ERBB4: variants seen among roughly 807,000 people sequenced by gnomAD.
ERBB4 encodes the protein erb-b2 receptor tyrosine kinase 4.
ERBB4 carries 42 observed loss-of-function variants against 158.0 expected under a neutral mutation model. The observed-to-expected ratio is 0.27, with a 90% CI of 0.21 to 0.34. The LOEUF is 0.34. Ranked by LOEUF, ERBB4 falls within the 10% of genes least tolerant of loss-of-function variation. ERBB4 has a pLI of 1.00. For synonymous variants in ERBB4, 583 were observed against 558.7 expected (o/e 1.04, Z -0.61); for missense variants, 1,333 against 1,624.1 (o/e 0.82, Z 3.08).
intron 27 of ERBB4, among the ~76,000 whole-genome samples, chr2:211,385,275 C>CT (rs1326916234): frequency 6.6e-6 from 1 of 152,086 alleles, no homozygotes; most frequent in Non-Finnish European, 1.5e-5. Flanking sequence ...TTACAAGACA[C>CT]TATCATTTCA....
At chr2:212,276,904 T>A (rs1275294930) in intron 1 of ERBB4, among the ~76,000 whole-genome samples, 2 of 151,762 alleles carry the variant, frequency 1.3e-5, no homozygotes, top group Non-Finnish European at 2.9e-5. Context: ...TCTAATGACA[T>A]AGTGTTTAGT....
chr2:212,322,332 A>G (rs866944726), intron 1 of ERBB4, among the ~76,000 whole-genome samples: 3 of 150,214 alleles, frequency 2.0e-5, no homozygotes, highest in Non-Finnish European at 4.5e-5. Flanking sequence ...GCTGCTGTGA[A>G]GATTGCCTAT....
intron 1 of ERBB4, among the ~76,000 whole-genome samples, chr2:212,245,548 GC>G (rs1559835014): frequency 6.6e-6 from 1 of 152,088 alleles, no homozygotes; most frequent in Non-Finnish European, 1.5e-5. Flanking sequence ...AAATCTTCTT[GC>G]CAACACTGGG....
chr2:212,128,395 C>T (rs2080007766), intron 1 of ERBB4, among the ~76,000 whole-genome samples: 1 of 152,142 alleles, frequency 6.6e-6, no homozygotes, highest in African/African-American at 2.4e-5. Flanking sequence ...TGAAGCCTGA[C>T]TTTGCCTGGT....
At chr2:212,278,037 G>GA (rs2085611629) in intron 1 of ERBB4, among the ~76,000 whole-genome samples, 1 of 151,662 alleles carries the variant, frequency 6.6e-6, no homozygotes, top group South Asian at 2.1e-4. Flanking sequence ...ATTGTTGATT[G>GA]AAAAAATGTC....
intron 1 of ERBB4, among the ~76,000 whole-genome samples, chr2:212,341,315 T>C (rs2088700323): frequency 6.6e-6 from 1 of 152,082 alleles, no homozygotes; most frequent in South Asian, 2.1e-4. Flanking sequence ...ATGATTTTCA[T>C]AGAAATCTAG....
intron 20 of ERBB4, among the ~76,000 whole-genome samples, chr2:211,431,656 A>C (rs929650829): frequency 3.1e-4 from 47 of 152,172 alleles, no homozygotes; most frequent in Admixed American, 7.2e-4. Flanking sequence ...AGAATGAAGT[A>C]TATACCCTAG....
At chr2:211,907,020 C>A (rs1192369057) in intron 3 of ERBB4, among the ~76,000 whole-genome samples, 1 of 151,524 alleles carries the variant, frequency 6.6e-6, no homozygotes, top group Admixed American at 6.6e-5. Flanking sequence ...TTCTTCTGAC[C>A]TTTTTTCCAT....
At chr2:212,012,468 G>A in intron 2 of ERBB4, among the ~76,000 whole-genome samples, 1 of 148,764 alleles carries the variant, frequency 6.7e-6, no homozygotes, top group Non-Finnish European at 1.5e-5. Flanking sequence ...CCAGGCTGGA[G>A]TGCGGTGGCG....
At chr2:212,065,055 T>G (rs1245265343) in intron 2 of ERBB4, among the ~76,000 whole-genome samples, 2 of 150,576 alleles carry the variant, frequency 1.3e-5, no homozygotes, top group Non-Finnish European at 3.0e-5. Flanking sequence ...TTTTCTGACT[T>G]TCATTGACAT....
At chr2:212,033,573 CTG>C (rs1298672548) in intron 2 of ERBB4, among the ~76,000 whole-genome samples, 5 of 151,730 alleles carry the variant, frequency 3.3e-5, no homozygotes, top group Non-Finnish European at 5.9e-5. Context: ...TATAAAGTAA[CTG>C]TATTTTTAAA....
At chr2:212,279,789 C>T (rs778827628) in intron 1 of ERBB4, among the ~76,000 whole-genome samples, 9 of 151,340 alleles carry the variant, frequency 5.9e-5, no homozygotes, top group South Asian at 2.1e-4. Flanking sequence ...TAAATTCCAA[C>T]GTCGTGAATG....
chr2:211,536,980 T>C (rs1202313672), intron 20 of ERBB4, among the ~76,000 whole-genome samples: 1 of 152,082 alleles, frequency 6.6e-6, no homozygotes, highest in Non-Finnish European at 1.5e-5. Flanking sequence ...AGTTTTAATA[T>C]TAAAGACAAA....
chr2:212,440,313 T>G lies in ERBB4; in HGVS notation c.82+98136A>C, dbSNP rs1016709259. On this transcript the variant is annotated intron_variant, in intron 1 of 27. Transcript: ENST00000342788. ...AGCAAATACAAAGCAGGCAGAAAAA[T>G]GTGAAAAGGAGAGACTGGCCTAGCA... Among the ~76,000 whole-genome samples, 9 of 152,126 alleles carry G rather than the reference T, an allele frequency of 5.9e-5. No homozygotes were observed. The East Asian group carries it at 1.5e-3, about 26-fold the overall frequency.
At chr2:211,976,267 G>A (rs1280994041) in intron 2 of ERBB4, among the ~76,000 whole-genome samples, 14 of 152,158 alleles carry the variant, frequency 9.2e-5, no homozygotes, top group Admixed American at 5.2e-4. Context: ...GGGGAATGAG[G>A]AAAGATACCT....
At chr2:211,532,502 T>G (rs2066527851) in intron 20 of ERBB4, among the ~76,000 whole-genome samples, 1 of 151,896 alleles carries the variant, frequency 6.6e-6, no homozygotes, top group African/African-American at 2.4e-5. Context: ...AAAGGAAAAT[T>G]GAAAAATATA....
chr2:211,699,993 G>A (rs1332323104), intron 12 of ERBB4, among the ~76,000 whole-genome samples: 1 of 151,920 alleles, frequency 6.6e-6, no homozygotes, highest in Non-Finnish European at 1.5e-5. Context: ...ATTTTTGTAG[G>A]ATTTGCAAAC....
intron 2 of ERBB4, among the ~76,000 whole-genome samples, chr2:211,999,593 A>G (rs1044649269): frequency 2.6e-5 from 4 of 151,828 alleles, no homozygotes; most frequent in African/African-American, 9.7e-5. Flanking sequence ...AAATGAATGG[A>G]AATAAATTAT....
intron 1 of ERBB4, among the ~76,000 whole-genome samples, chr2:212,439,663 G>A (rs745567441): frequency 3.9e-5 from 6 of 152,050 alleles, no homozygotes; most frequent in South Asian, 2.1e-4. Flanking sequence ...ACAATAATGC[G>A]ATACAAAGTT....
Sources: gnomAD v4.1 joint callset for allele counts (sites outside exome capture counted in the v4.1 genomes callset) on GRCh38, gnomAD v4.1.1 for gene constraint, MANE v1.5 for transcripts, NCBI Gene and HGNC (gene_info 2026-07-23, HGNC 2026-07-21) for gene names.